The following TMEM63A variants were observed in gnomAD, a reference collection of about 807,000 sequenced individuals.
TMEM63A encodes the protein mechanosensitive cation channel TMEM63A.
Under a neutral mutation model 100.6 loss-of-function variants are expected in TMEM63A, and 76 were observed. The observed-to-expected ratio is 0.76, with a 90% CI of 0.63 to 0.91. The LOEUF (loss-of-function observed/expected upper bound fraction) is 0.91, where lower values mean the gene tolerates loss of function less well. Among genes scored for constraint, TMEM63A ranks in the 40% least tolerant of loss-of-function variants. The pLI is 0.00. For synonymous variants in TMEM63A, 401 were observed against 401.1 expected (o/e 1.00, Z 0.00); for missense variants, 876 against 1,008.8 (o/e 0.87, Z 1.78).
At position 225,860,938 on chromosome 1, in the gene TMEM63A, T is replaced by TATG. The variant is rs1669904414; in HGVS notation, c.1144_1145insCAT (p.Gln382delinsProTer). 6.2e-7 allele frequency: 1 copy of TATG among 1,613,206 alleles called. No individual in the cohort carries two copies. Among genetic ancestry groups the TATG allele is most frequent in the Non-Finnish European group, 8.5e-7 (1 of 1,179,636 alleles). On this transcript the variant is annotated stop_gained and protein_altering_variant, in exon 14 of 25. Transcript: ENST00000366835. LOFTEE classifies it high-confidence loss of function. ...GAGCTCCCTGCTATGGGAGGACGGC[T>TATG]GGGGCTCACCTTTGCACTGAAGGCT...
At chr1:225,852,905 A>G (rs1222188931) in intron 19 of TMEM63A, 136 bp from the exon 20 acceptor site, 2 of 729,802 alleles carry the variant, frequency 2.7e-6, no homozygotes, top group Middle Eastern at 3.6e-4. Flanking sequence ...CCGCCTCCCA[A>G]GGTCCTTCCC....
intron 1 of TMEM63A, among the ~76,000 whole-genome samples, chr1:225,880,275 G>T (rs553732043): frequency 6.6e-6 from 1 of 152,148 alleles, no homozygotes; most frequent in Non-Finnish European, 1.5e-5. Flanking sequence ...GTCCCAGCCT[G>T]TCCCTGCCCA....
At chr1:225,875,694 C>T (rs1670756909) in intron 3 of TMEM63A, among the ~76,000 whole-genome samples, 2 of 152,102 alleles carry the variant, frequency 1.3e-5, no homozygotes, top group South Asian at 2.1e-4. Flanking sequence ...AGACACTTCC[C>T]ACAAACCCAT....
chr1:225,844,626 G>A, downstream of TMEM63A: 1 of 1,613,884 alleles, frequency 6.2e-7, no homozygotes, highest in Non-Finnish European at 8.5e-7. Flanking sequence ...CATGAGCGGT[G>A]AGCCTGGCTG....
intron 17 of TMEM63A, 35 bp downstream of exon 17, chr1:225,856,615 TTA>T: frequency 6.2e-7 from 1 of 1,606,408 alleles, no homozygotes; most frequent in Non-Finnish European, 8.5e-7. Flanking sequence ...GATGTGACTC[TTA>T]TTCTGAATTT....
At chr1:225,843,834 C>A (rs1376888987), downstream of TMEM63A, among the ~76,000 whole-genome samples, 1 of 152,228 alleles carries the variant, frequency 6.6e-6, no homozygotes, top group Non-Finnish European at 1.5e-5. Flanking sequence ...TATACTGGAA[C>A]TAGTTTTCAT....
intron 17 of TMEM63A, 39 bp downstream of exon 17, chr1:225,856,613 T>C (rs998315049): frequency 3.7e-6 from 6 of 1,604,442 alleles, no homozygotes; most frequent in Non-Finnish European, 5.1e-6. Flanking sequence ...CTGATGTGAC[T>C]CTTATTCTGA....
At chr1:225,859,396 C>T (rs751078648) in intron 14 of TMEM63A, 47 bp from the exon 15 acceptor site, 2 of 1,607,774 alleles carry the variant, frequency 1.2e-6, no homozygotes, top group Admixed American at 1.7e-5. Flanking sequence ...TCTCCCAGTG[C>T]TCGTGGCTTA....
At chr1:225,849,070 C>T (rs1206379144) in intron 21 of TMEM63A, 58 bp from the exon 22 acceptor site, 1 of 1,272,860 alleles carries the variant, frequency 7.9e-7, no homozygotes, top group Non-Finnish European at 1.1e-6. Flanking sequence ...CACCTACCCT[C>T]ACCCTGCTGA....
At chr1:225,861,088 A>C in intron 13 of TMEM63A, 91 bp from the exon 14 acceptor site, 1 of 1,431,510 alleles carries the variant, frequency 7.0e-7, no homozygotes, top group Non-Finnish European at 9.4e-7. Context: ...AGTGGGAGGC[A>C]GTGGCATAGG....
Position 225,845,676 on chromosome 1 carries a change from T to C in TMEM63A, c.*1263A>G. ...AGAGGCACGGGAGGCCTGCTGGGGA[T>C]GAGGCCACTGGCCAGGGCTATGCTG... is the stretch of plus-strand genomic sequence containing the variant. On this transcript the variant is annotated 3_prime_UTR_variant, in exon 25 of 25. Transcript: ENST00000366835. 1 of 443,870 alleles carries C rather than the reference T, an allele frequency of 2.3e-6. No homozygotes were observed. The highest frequency in any genetic ancestry group is 2.1e-5 in the South Asian group (1 of 47,132). 27.5% of individuals were successfully genotyped at this position (443,870 alleles called of 1,614,324 possible). A position where few individuals can be genotyped will look rare whatever the true frequency, so the allele number is the denominator to read the frequency against.
intron 1 of TMEM63A, among the ~76,000 whole-genome samples, chr1:225,881,954 G>C (rs1671111418): frequency 6.6e-6 from 1 of 152,232 alleles, no homozygotes; most frequent in Non-Finnish European, 1.5e-5. Context: ...GCCTCGTATA[G>C]GGTCCGAGGA....
Position 225,847,138 on chromosome 1 carries a change from T to TCTG in TMEM63A, c.2323_2325dup (p.Gln775dup), listed in dbSNP as rs750876984. The TCTG allele has an allele frequency of 2.3e-4, 366 of 1,612,130 alleles. No homozygotes were observed. The highest frequency in any genetic ancestry group is 1.5e-3 in the Middle Eastern group (9 of 6,056). On this transcript the variant is annotated inframe_insertion, in exon 24 of 25. Coordinates refer to ENST00000366835, the MANE Select transcript of TMEM63A (RefSeq NM_014698.3). ...CTGATGTTGTGGATGGCACCATAGG[T>TCTG]CTGCTGCTGCTGCTGCTGCGGAGAC...
rs1458407209 is a variant in TMEM63A, at chr1:225,846,943, TGG to T, written c.*7-13_*7-12del. 1 of 1,407,216 alleles carries T rather than the reference TGG, an allele frequency of 7.1e-7. No homozygotes were observed. The highest frequency in any genetic ancestry group is 1.4e-5 in the African/African-American group (1 of 69,742). 87.2% of individuals were successfully genotyped at this position (1,407,216 alleles called of 1,614,324 possible). ...TCAGAGCAGTGAGACCTAAAACAGA[TGG>T]GAAGAAGTCATGAACTTGGGAGTCA... On this transcript the variant is annotated splice_polypyrimidine_tract_variant and intron_variant, in intron 24 of 24. Coordinates refer to ENST00000366835, the MANE Select transcript of TMEM63A (RefSeq NM_014698.3).
In TMEM63A at chr1:225,853,812, G is replaced by A. The variant is rs1669476344; in HGVS notation, c.1635-21C>T. The stretch of plus-strand genomic sequence containing the variant: ...CGCACCTGGGGAAACCAGGGCCCAG[G>A]TCTGTGAGCTGAGAGCCGCTCTTGG... On this transcript the variant is annotated intron_variant, in intron 18 of 24. Coordinates refer to ENST00000366835, the MANE Select transcript of TMEM63A (RefSeq NM_014698.3). The surrounding 1 kb of genome is among the most constrained non-coding windows in gnomAD (Gnocchi z 4.0). 4.5e-6 allele frequency: 7 copies of A among 1,572,818 alleles called. No homozygotes were observed. In the South Asian group the frequency reaches 7.2e-5, roughly 16 times the overall value.
At position 225,856,961 on chromosome 1, in the gene TMEM63A, C is replaced by T; in HGVS notation, c.1434G>A (p.Leu478=). The T allele has an allele frequency of 6.2e-7, 1 of 1,601,812 alleles. No individual in the cohort carries two copies. The highest frequency in any genetic ancestry group is 8.5e-7 in the Non-Finnish European group (1 of 1,176,764). The change falls in exon 16 of 25, where the codon CTG becomes CTA. Residue 478 remains leucine (L), a synonymous_variant. Transcript: ENST00000366835. ...TAGAGTAGTAGACAATGGAGGGGAG[C>T]AGGGCCGAGAAGGACCAGAGCAGGA... The part of the protein sequence containing the change: ...PTLLLWSFSA[L]LPSIVYYSTL...
At chr1:225,860,687 G>C (rs1669892672) in intron 14 of TMEM63A, 173 bp downstream of exon 14, 2 of 621,664 alleles carry the variant, frequency 3.2e-6, no homozygotes, top group East Asian at 6.8e-5. Flanking sequence ...GGAAGGGCTG[G>C]GCAGATACCC....
intron 1 of TMEM63A, 64 bp from the exon 2 acceptor site, chr1:225,879,474 T>A (rs1443039221): frequency 1.3e-5 from 2 of 152,310 alleles, no homozygotes; most frequent in African/African-American, 4.8e-5. Flanking sequence ...GGGGTCTGGA[T>A]GGAAACCCTC....
At chr1:225,875,197 G>A (rs1402085941) in intron 3 of TMEM63A, among the ~76,000 whole-genome samples, 5 of 152,230 alleles carry the variant, frequency 3.3e-5, no homozygotes, top group African/African-American at 7.2e-5. Context: ...GGCACCACGA[G>A]AACCTGTGCT....
Sources: gnomAD v4.1 joint callset for allele counts (sites outside exome capture counted in the v4.1 genomes callset) on GRCh38, gnomAD v4.1.1 for gene constraint, Gnocchi (gnomAD v3.1) non-coding constraint, MANE v1.5 for transcripts, NCBI Gene and HGNC (gene_info 2026-07-23, HGNC 2026-07-21) for gene names.